RIC1: variants seen among roughly 807,000 people sequenced by gnomAD.
RIC1 encodes RIC1 partner of RAB6A GEF complex, also known as guanine nucleotide exchange factor subunit RIC1.
A neutral mutation model predicts 169.0 loss-of-function variants in RIC1; 88 were observed. That is an observed-to-expected ratio of 0.52 (90% CI 0.44 to 0.62). RIC1 has a LOEUF of 0.62. Ranked by LOEUF, RIC1 falls within the 20% of genes least tolerant of loss-of-function variation. RIC1 has a pLI of 0.00. For synonymous variants in RIC1, 790 were observed against 601.5 expected (o/e 1.31, Z -4.59); for missense variants, 1,877 against 1,725.5 (o/e 1.09, Z -1.56).
In RIC1 at chr9:5,673,593, C is replaced by G. The variant is rs1265134525; in HGVS notation, c.253-16366C>G. 8.7e-5 allele frequency among the ~76,000 whole-genome samples: 12 copies of G among 137,220 alleles called. No homozygotes were observed. The East Asian group carries it at 1.9e-3, about 22-fold the overall frequency. The allele number at this position is 137,220 out of a possible 152,430, so 90.0% of individuals were successfully genotyped here. On this transcript the variant is annotated intron_variant, in intron 2 of 25. Transcript: ENST00000414202. Reference sequence around the variant, plus strand: ...TGATTGCAGCATTGTCTGTAGTTGCCAAAGGTCCATCAAGAAAAGAATAGC... The same window carrying G: ...TGATTGCAGCATTGTCTGTAGTTGCGAAAGGTCCATCAAGAAAAGAATAGC...
At chr9:5,767,250 G>C (rs925735222) in intron 21 of RIC1, among the ~76,000 whole-genome samples, 4 of 152,184 alleles carry the variant, frequency 2.6e-5, no homozygotes, top group Non-Finnish European at 5.9e-5. Flanking sequence ...GATTAGAGAA[G>C]TTATTACACA....
chr9:5,650,270 A>G (rs1818729300), intron 1 of RIC1, among the ~76,000 whole-genome samples: 1 of 152,072 alleles, frequency 6.6e-6, no homozygotes, highest in Admixed American at 6.5e-5. Flanking sequence ...TTGTGATGGT[A>G]GCATCAGGCT....
In RIC1 at chr9:5,772,965, T is replaced by A; in HGVS notation, c.3868T>A (p.Ser1290Thr). 6.2e-7 allele frequency: 1 copy of A among 1,613,758 alleles called. No homozygotes were observed. The highest frequency in any genetic ancestry group is 8.5e-7 in the Non-Finnish European group (1 of 1,179,778). Residue 1290 changes from serine (S) to threonine (T), a missense_variant, in exon 25 of 26, where the codon TCC (serine) becomes ACC (threonine). Transcript: ENST00000414202. The part of the protein sequence containing the change: ...CIVIGLILRE[S>T]SIINQILVIT... Reference sequence around the variant, plus strand: ...CGTTATAGGCCTGATTCTTAGAGAATCCTCAATAATCAATCAGATTTTGGT... The same window carrying A: ...CGTTATAGGCCTGATTCTTAGAGAAACCTCAATAATCAATCAGATTTTGGT...
chr9:5,686,684 G>A (rs945890161), intron 2 of RIC1, among the ~76,000 whole-genome samples: 6 of 151,274 alleles, frequency 4.0e-5, no homozygotes, highest in African/African-American at 9.7e-5. Flanking sequence ...GCTAGATGAC[G>A]AGTTAGTGGG....
intron 2 of RIC1, among the ~76,000 whole-genome samples, chr9:5,662,269 G>A (rs1399071602): frequency 6.6e-6 from 1 of 152,096 alleles, no homozygotes; most frequent in Admixed American, 6.5e-5. Context: ...TGTTCATCAA[G>A]CATATTGGCC....
intron 6 of RIC1, among the ~76,000 whole-genome samples, chr9:5,729,194 T>A (rs190841881): frequency 6.6e-6 from 1 of 152,294 alleles, no homozygotes; most frequent in East Asian, 1.9e-4. Flanking sequence ...CTGTTTTCAG[T>A]GTGGTCCATA....
intron 2 of RIC1, among the ~76,000 whole-genome samples, chr9:5,657,073 T>C (rs568204827): frequency 6.6e-6 from 1 of 152,312 alleles, no homozygotes; most frequent in South Asian, 2.1e-4. Context: ...TATCCTTTTC[T>C]GTTTGTTGTT....
chr9:5,653,140 T>G (rs1818899445), intron 1 of RIC1, among the ~76,000 whole-genome samples: 1 of 152,244 alleles, frequency 6.6e-6, no homozygotes, highest in South Asian at 2.1e-4. Flanking sequence ...TTTATTTTTG[T>G]GAATGTTGAC....
At chr9:5,715,787 C>A (rs1248833619) in intron 4 of RIC1, among the ~76,000 whole-genome samples, 1 of 150,794 alleles carries the variant, frequency 6.6e-6, no homozygotes, top group African/African-American at 2.4e-5. Flanking sequence ...AGAGTTTCCC[C>A]TCCCCTCCCT....
chr9:5,683,043 G>C (rs1461084552), intron 2 of RIC1, among the ~76,000 whole-genome samples: 1 of 152,030 alleles, frequency 6.6e-6, no homozygotes, highest in African/African-American at 2.4e-5. Context: ...CTCTCCATTG[G>C]TTATTCTAGT....
rs1827530059 is a variant in RIC1, at chr9:5,775,459, G to C, written c.*1213G>C. 1 of 152,112 alleles carries C rather than the reference G, an allele frequency of 6.6e-6. No individual in the cohort carries two copies. Among genetic ancestry groups the C allele is most frequent in the Admixed American group, 6.6e-5 (1 of 15,262 alleles). 9.4% of individuals were successfully genotyped at this position (152,112 alleles called of 1,614,324 possible). A position where few individuals can be genotyped will look rare whatever the true frequency, so the allele number is the denominator to read the frequency against. ...ATAACAGTATTAAGACAGCTTGTTTGTACTGTGCAATTTGAACAAGGAATG... is the reference window on the plus strand; with the variant it reads ...ATAACAGTATTAAGACAGCTTGTTTCTACTGTGCAATTTGAACAAGGAATG... On this transcript the variant is annotated 3_prime_UTR_variant, in exon 26 of 26. Coordinates refer to ENST00000414202, the MANE Select transcript of RIC1 (RefSeq NM_020829.4).
intron 2 of RIC1, among the ~76,000 whole-genome samples, chr9:5,684,898 C>A (rs1821118168): frequency 6.6e-6 from 1 of 152,040 alleles, no homozygotes; most frequent in Non-Finnish European, 1.5e-5. Context: ...TTGTCTAATG[C>A]TTTTAATGCA....
At chr9:5,651,580 T>TTA (rs1554658736) in intron 1 of RIC1, among the ~76,000 whole-genome samples, 1 of 147,432 alleles carries the variant, frequency 6.8e-6, no homozygotes, top group Non-Finnish European at 1.5e-5. Flanking sequence ...TTTTTTTTTT[T>TTA]ATTGAGACAG....
At position 5,756,484 on chromosome 9, in the gene RIC1, T is replaced by A. The variant is rs1826025086; in HGVS notation, c.1853+112T>A. 4.4e-6 allele frequency: 3 copies of A among 680,778 alleles called. No individual in the cohort carries two copies. In the South Asian group the frequency reaches 1.6e-4, roughly 36 times the overall value. 42.2% of individuals were successfully genotyped at this position (680,778 alleles called of 1,614,324 possible). On this transcript the variant is annotated intron_variant, in intron 16 of 25. Coordinates refer to ENST00000414202, the MANE Select transcript of RIC1 (RefSeq NM_020829.4). ...TCCACTTTTATATTCAATCTTGTTTTTGTTAGAGGTAAAAAAAGCAAGGAG... is the reference window on the plus strand; with the variant it reads ...TCCACTTTTATATTCAATCTTGTTTATGTTAGAGGTAAAAAAAGCAAGGAG...
chr9:5,641,112 G>T (rs1392195213), intron 1 of RIC1, among the ~76,000 whole-genome samples: 8 of 145,386 alleles, frequency 5.5e-5, no homozygotes, highest in African/African-American at 2.0e-4. Flanking sequence ...TTTTTTTTTG[G>T]ACGGGGTCTT....
chr9:5,743,281 G>A (rs1232320133), intron 9 of RIC1, among the ~76,000 whole-genome samples: 5 of 152,114 alleles, frequency 3.3e-5, no homozygotes, highest in Non-Finnish European at 7.4e-5. Context: ...ATCAGGCATG[G>A]TTCTGCTTTT....
intron 3 of RIC1, among the ~76,000 whole-genome samples, chr9:5,709,589 A>G (rs904844545): frequency 2.0e-5 from 3 of 152,194 alleles, no homozygotes; most frequent in Non-Finnish European, 2.9e-5. Flanking sequence ...TAAATGCTCT[A>G]TTCCTATTCT....
At chr9:5,768,947 CTT>C (rs764673803) in intron 21 of RIC1, 21 bp from the exon 22 acceptor site, 1 of 1,585,512 alleles carries the variant, frequency 6.3e-7, no homozygotes, top group Non-Finnish European at 8.6e-7. Flanking sequence ...TATTCTGTAG[CTT>C]TCTTGTGTTT....
At position 5,751,985 on chromosome 9, in the gene RIC1, T is replaced by C. The variant is rs558815139; in HGVS notation, c.1453-1215T>C. ...AATAAATTTGAACAGATCGAAGCTTTTCTTATTCCAAGAACAGAAGACTCT... is the reference window on the plus strand; with the variant it reads ...AATAAATTTGAACAGATCGAAGCTTCTCTTATTCCAAGAACAGAAGACTCT... On this transcript the variant is annotated intron_variant, in intron 12 of 25. Coordinates refer to ENST00000414202, the MANE Select transcript of RIC1 (RefSeq NM_020829.4). Among the ~76,000 whole-genome samples the C allele has an allele frequency of 4.5e-4, 68 of 152,356 alleles. 1 individual carries two copies. Among genetic ancestry groups the C allele is most frequent in the Admixed American group, 9.8e-4 (15 of 15,306 alleles).
Sources: gnomAD v4.1 joint callset for allele counts (sites outside exome capture counted in the v4.1 genomes callset) on GRCh38, gnomAD v4.1.1 for gene constraint, MANE v1.5 for transcripts, NCBI Gene and HGNC (gene_info 2026-07-23, HGNC 2026-07-21) for gene names.